Variants in NFS1 observed in about 807,000 individuals in gnomAD.
NFS1 encodes the protein NFS1 cysteine desulfurase.
In NFS1, 26 loss-of-function variants were observed where a neutral mutation model predicts 57.3. The ratio of observed to expected loss-of-function variants is 0.45; its 90% CI spans 0.33 to 0.63. NFS1 has a LOEUF of 0.63. Ranked by LOEUF, NFS1 falls within the 20% of genes least tolerant of loss-of-function variation. The pLI, the probability that NFS1 is intolerant of heterozygous loss-of-function variation, is 0.02. For missense variants in NFS1, 505 were observed against 605.8 expected, an observed-to-expected ratio of 0.83 and a Z score of 1.75; for synonymous variants, 209 against 216.3, an observed-to-expected ratio of 0.97 and a Z score of 0.30.
chr20:35,674,221 C>A, intron 10 of NFS1, 129 bp downstream of exon 10: 1 of 790,140 alleles, frequency 1.3e-6, no homozygotes, highest in Non-Finnish European at 2.2e-6. Context: ...AAGAGAGGCA[C>A]TTACAAAATG....
intron 12 of NFS1, 99 bp from the exon 13 acceptor site, chr20:35,669,784 C>T (rs1343001772): frequency 9.1e-7 from 1 of 1,096,352 alleles, no homozygotes. Context: ...CCTTCTGTCC[C>T]TGTCTGTCCT....
At chr20:35,698,867 C>T in intron 1 of NFS1, 1 of 1,341,754 alleles carries the variant, frequency 7.5e-7, no homozygotes, top group South Asian at 1.9e-5. Context: ...TTAGAAGGAA[C>T]GTGGAGCCAG....
At chr20:35,681,730 C>A (rs1393156429) in intron 6 of NFS1, among the ~76,000 whole-genome samples, 158 bp downstream of exon 6, 1 of 152,102 alleles carries the variant, frequency 6.6e-6, no homozygotes, top group Non-Finnish European at 1.5e-5. Flanking sequence ...GACCTGGATT[C>A]AAATACTGCC....
chr20:35,677,963 G>A (rs544552683), intron 7 of NFS1, among the ~76,000 whole-genome samples: 3 of 152,016 alleles, frequency 2.0e-5, no homozygotes, highest in South Asian at 2.1e-4. Context: ...CTGTAATTCC[G>A]GCACTTTGGG....
Position 35,674,602 on chromosome 20 carries a change from T to C in NFS1, c.964A>G (p.Ile322Val). The C allele has an allele frequency of 6.2e-7, 1 of 1,614,086 alleles. No homozygotes were observed. The highest frequency in any genetic ancestry group is 8.5e-7 in the Non-Finnish European group (1 of 1,179,942). ...ATCAGCCGCTCTGACAACTTTGAGA[T>C]TCGCTTGTGGTCATACTAAGGAGCA... Reference protein sequence around the residue: ...QQEMEYDHKRISKLSERLIQN... With the variant: ...QQEMEYDHKRVSKLSERLIQN... The change falls in exon 9 of 13, where the codon ATC (isoleucine) becomes GTC (valine). Residue 322 changes from isoleucine (I) to valine (V), a missense_variant. Ile to Val is a conservative substitution (Grantham distance 29). Coordinates refer to ENST00000374092, the MANE Select transcript of NFS1 (RefSeq NM_021100.5).
intron 10 of NFS1, 42 bp from the exon 11 acceptor site, chr20:35,673,726 G>A (rs769737728): frequency 1.3e-5 from 20 of 1,510,296 alleles, no homozygotes; most frequent in East Asian, 2.3e-5. Flanking sequence ...CATCATCAAC[G>A]TCTACTTTTA....
intron 3 of NFS1, among the ~76,000 whole-genome samples, chr20:35,697,302 T>TAAA (rs368169006): frequency 0.06 from 7,562 of 125,840 alleles, 259 homozygotes; most frequent in South Asian, 0.19. Flanking sequence ...CTCCATCTCA[T>TAAA]AAAAAAAAAA....
At chr20:35,685,930 T>C (rs1389287508) in intron 5 of NFS1, among the ~76,000 whole-genome samples, 1 of 148,972 alleles carries the variant, frequency 6.7e-6, no homozygotes, top group Non-Finnish European at 1.5e-5. Context: ...AATGAATTCT[T>C]TCTTTATTTT....
In NFS1 at chr20:35,668,376, A is replaced by T. The variant is rs1419103236; in HGVS notation, c.*1246T>A. On this transcript the variant is annotated 3_prime_UTR_variant, in exon 13 of 13. Transcript: ENST00000374092. Reference sequence around the variant, plus strand: ...TATATCATCAAAATATATTCTTAAAATATGCATAAATGTACTCTAACATAC... The same window carrying T: ...TATATCATCAAAATATATTCTTAAATTATGCATAAATGTACTCTAACATAC... 1 of 152,236 alleles carries T rather than the reference A, an allele frequency of 6.6e-6. No homozygotes were observed. The highest frequency in any genetic ancestry group is 1.5e-5 in the Non-Finnish European group (1 of 68,042). 9.4% of individuals were successfully genotyped at this position (152,236 alleles called of 1,614,324 possible).
At chr20:35,673,796 A>C in intron 10 of NFS1, 112 bp from the exon 11 acceptor site, 1 of 745,740 alleles carries the variant, frequency 1.3e-6, no homozygotes, top group Non-Finnish European at 2.3e-6. Context: ...CCCTGGAGAA[A>C]ACAAGAGACC....
At chr20:35,680,332 T>C (rs2034827084) in intron 7 of NFS1, among the ~76,000 whole-genome samples, 1 of 150,230 alleles carries the variant, frequency 6.7e-6, no homozygotes, top group Non-Finnish European at 1.5e-5. Flanking sequence ...CACAAAGAGA[T>C]GTCAAATCCC....
chr20:35,690,962 G>C (rs1234624896), intron 4 of NFS1, among the ~76,000 whole-genome samples: 2 of 152,140 alleles, frequency 1.3e-5, no homozygotes. Context: ...TATGGACTTT[G>C]GGTGATAATG....
intron 7 of NFS1, among the ~76,000 whole-genome samples, chr20:35,678,850 C>A (rs189450020): frequency 4.6e-5 from 7 of 152,228 alleles, no homozygotes; most frequent in Non-Finnish European, 8.8e-5. Flanking sequence ...CAGAGTGAGA[C>A]CTTGTCCCTA....
At chr20:35,691,738 CAAAAAAAAA>C (rs60402350) in intron 4 of NFS1, among the ~76,000 whole-genome samples, 3 of 18,156 alleles carry the variant, frequency 1.7e-4, no homozygotes, top group South Asian at 6.2e-3. Flanking sequence ...GACTGCATCT[CAAAAAAAAA>C]AAAAAAAAAA....
Position 35,668,893 on chromosome 20 carries a change from G to A in NFS1, c.*729C>T, listed in dbSNP as rs371910700. On this transcript the variant is annotated 3_prime_UTR_variant, in exon 13 of 13. Transcript: ENST00000374092. ...CTGAGTCATTTATGCAAATCAGATG[G>A]AGTGGCGGTCTTCTCCACAATTCCC... 1 of 152,164 alleles carries A rather than the reference G, an allele frequency of 6.6e-6. No homozygotes were observed. The highest frequency in any genetic ancestry group is 2.1e-4 in the South Asian group (1 of 4,830). The allele number at this position is 152,164 out of a possible 1,614,324, so 9.4% of individuals were successfully genotyped here. A position where few individuals can be genotyped will look rare whatever the true frequency, so the allele number is the denominator to read the frequency against.
At chr20:35,670,152 G>C (rs1273068253) in intron 12 of NFS1, among the ~76,000 whole-genome samples, 1 of 152,186 alleles carries the variant, frequency 6.6e-6, no homozygotes, top group African/African-American at 2.4e-5. Flanking sequence ...TCTTGGTTTT[G>C]TTCTAGTTCC....
At chr20:35,675,401 T>C (rs1430882991) in intron 7 of NFS1, 199 bp from the exon 8 acceptor site, 1 of 632,960 alleles carries the variant, frequency 1.6e-6, no homozygotes, top group Admixed American at 3.1e-5. Flanking sequence ...GGAAGATAAA[T>C]GCCAGAAGGA....
At chr20:35,671,719 G>A (rs544492983) in intron 12 of NFS1, among the ~76,000 whole-genome samples, 22 of 152,018 alleles carry the variant, frequency 1.4e-4, no homozygotes, top group Admixed American at 5.2e-4. Context: ...GCAAAACTCC[G>A]TCTCTACAAA....
intron 7 of NFS1, among the ~76,000 whole-genome samples, chr20:35,678,807 T>C (rs1345248512): frequency 6.6e-6 from 1 of 151,020 alleles, no homozygotes; most frequent in Admixed American, 6.6e-5. Flanking sequence ...TGTGGCAAGG[T>C]AGGATAGCAC....
Sources: gnomAD v4.1 joint callset for allele counts (sites outside exome capture counted in the v4.1 genomes callset) on GRCh38, gnomAD v4.1.1 for gene constraint, MANE v1.5 for transcripts, NCBI Gene and HGNC (gene_info 2026-07-23, HGNC 2026-07-21) for gene names.